The following SYNDIG1 variants were observed in gnomAD, a reference collection of about 807,000 sequenced individuals.
SYNDIG1 encodes synapse differentiation inducing 1.
A neutral mutation model predicts 19.4 loss-of-function variants in SYNDIG1; 9 were observed. The observed-to-expected ratio is 0.46, with a 90% confidence interval of 0.28 to 0.81. SYNDIG1 has a LOEUF of 0.81. SYNDIG1 is among the 30% of genes least tolerant of loss of function. SYNDIG1 has a pLI of 0.12. For missense variants in SYNDIG1, 311 were observed against 343.3 expected, an observed-to-expected ratio of 0.91 and a Z score of 0.74; for synonymous variants, 141 against 145.9, an observed-to-expected ratio of 0.97 and a Z score of 0.24.
At chr20:24,494,683 G>A (rs1341529742) in intron 1 of SYNDIG1, among the ~76,000 whole-genome samples, 1 of 152,154 alleles carries the variant, frequency 6.6e-6, no homozygotes, top group Non-Finnish European at 1.5e-5. Flanking sequence ...GGGCCCTGAG[G>A]GGCCACCCTA....
chr20:24,530,954 G>T (rs982635778), intron 1 of SYNDIG1, among the ~76,000 whole-genome samples: 7 of 151,958 alleles, frequency 4.6e-5, no homozygotes, highest in Admixed American at 3.9e-4. Flanking sequence ...GACTACAGGC[G>T]CATGCCACCA....
intron 1 of SYNDIG1, among the ~76,000 whole-genome samples, chr20:24,527,553 T>A (rs1156805204): frequency 2.0e-5 from 3 of 152,060 alleles, no homozygotes; most frequent in African/African-American, 7.3e-5. Flanking sequence ...CTTCCTTCTT[T>A]CTCTATAGAC....
chr20:24,598,330 A>C (rs1422505094), intron 3 of SYNDIG1, among the ~76,000 whole-genome samples: 2 of 152,214 alleles, frequency 1.3e-5, no homozygotes, highest in African/African-American at 2.4e-5. Context: ...ACAGATGATA[A>C]ATTTTATGAA....
chr20:24,478,966 C>T (rs2055713677), intron 1 of SYNDIG1, among the ~76,000 whole-genome samples: 1 of 152,242 alleles, frequency 6.6e-6, no homozygotes, highest in African/African-American at 2.4e-5. Context: ...GTCTCGCTCT[C>T]AGCATAAGGC....
intron 1 of SYNDIG1, among the ~76,000 whole-genome samples, chr20:24,531,053 G>C (rs1274025900): frequency 1.3e-5 from 2 of 152,042 alleles, no homozygotes; most frequent in Non-Finnish European, 2.9e-5. Flanking sequence ...CAGGCAGTCT[G>C]CCTGCCTCAG....
At chr20:24,615,396 A>G (rs2058915401) in intron 3 of SYNDIG1, among the ~76,000 whole-genome samples, 1 of 152,180 alleles carries the variant, frequency 6.6e-6, no homozygotes, top group Non-Finnish European at 1.5e-5. Flanking sequence ...CCCAGGTTCT[A>G]CGCTCTTACA....
chr20:24,664,371 C>T (rs983557225), intron 3 of SYNDIG1, among the ~76,000 whole-genome samples: 2 of 152,120 alleles, frequency 1.3e-5, no homozygotes, highest in Non-Finnish European at 2.9e-5. Context: ...AAATGGGACC[C>T]GGTAGAAATC....
chr20:24,581,881 T>G (rs550519329), intron 2 of SYNDIG1, among the ~76,000 whole-genome samples: 1 of 148,770 alleles, frequency 6.7e-6, no homozygotes, highest in Non-Finnish European at 1.5e-5. Flanking sequence ...CTGCAAGTCC[T>G]TCCAACTGCA....
intron 3 of SYNDIG1, among the ~76,000 whole-genome samples, chr20:24,657,517 C>T (rs1490195371): frequency 6.6e-6 from 1 of 152,202 alleles, no homozygotes; most frequent in African/African-American, 2.4e-5. Context: ...TTTGGTTTCA[C>T]AGTCCATCTC....
chr20:24,654,996 G>A (rs752558986), intron 3 of SYNDIG1, among the ~76,000 whole-genome samples: 3 of 152,266 alleles, frequency 2.0e-5, no homozygotes, highest in South Asian at 2.1e-4. Context: ...TGCCACCCAC[G>A]CATGATGTTC....
chr20:24,529,914 G>A (rs1046737109), intron 1 of SYNDIG1, among the ~76,000 whole-genome samples: 1 of 130,452 alleles, frequency 7.7e-6, no homozygotes, highest in Non-Finnish European at 1.7e-5. Context: ...AGTACTCCTG[G>A]TGATGGTATC....
chr20:24,611,070 C>T (rs1021663617), intron 3 of SYNDIG1, among the ~76,000 whole-genome samples: 2 of 152,210 alleles, frequency 1.3e-5, no homozygotes, highest in African/African-American at 2.4e-5. Context: ...GATATTGCCT[C>T]TGAGTGTTCG....
At chr20:24,540,840 C>T (rs927847332) in intron 1 of SYNDIG1, among the ~76,000 whole-genome samples, 1 of 152,102 alleles carries the variant, frequency 6.6e-6, no homozygotes, top group African/African-American at 2.4e-5. Context: ...GTTCATAAGG[C>T]ATATGGGTCT....
rs113098550 is a variant in SYNDIG1, at chr20:24,504,069, C to T, written c.-79+34316C>T. On this transcript the variant is annotated intron_variant, in intron 1 of 3. Coordinates refer to ENST00000376862, the MANE Select transcript of SYNDIG1 (RefSeq NM_024893.3). Reference sequence around the variant, plus strand: ...CCACCTCCCAGGCTCACGCCATTCTCCTGTCTCAGCCTCCTGAGTAGCTGG... The same window carrying T: ...CCACCTCCCAGGCTCACGCCATTCTTCTGTCTCAGCCTCCTGAGTAGCTGG... Among the ~76,000 whole-genome samples, 741 of 151,140 alleles carry T rather than the reference C, an allele frequency of 4.9e-3. 8 individuals carry two copies. The highest frequency in any genetic ancestry group is 0.018 in the African/African-American group (721 of 40,920).
At chr20:24,656,899 G>A (rs1412098139) in intron 3 of SYNDIG1, among the ~76,000 whole-genome samples, 1 of 152,310 alleles carries the variant, frequency 6.6e-6, no homozygotes, top group South Asian at 2.1e-4. Flanking sequence ...TGGGTCCTGC[G>A]GACGGATCCC....
intron 1 of SYNDIG1, among the ~76,000 whole-genome samples, chr20:24,519,414 A>G (rs1352545544): frequency 6.6e-6 from 1 of 152,208 alleles, no homozygotes; most frequent in Non-Finnish European, 1.5e-5. Flanking sequence ...TGGCACAGGA[A>G]AAAGCAAGTC....
chr20:24,655,517 A>G (rs531077160), intron 3 of SYNDIG1, among the ~76,000 whole-genome samples: 77 of 152,354 alleles, frequency 5.1e-4, no homozygotes, highest in African/African-American at 1.8e-3. Flanking sequence ...AGAAAGAAGT[A>G]AATACCAGAT....
intron 1 of SYNDIG1, among the ~76,000 whole-genome samples, chr20:24,532,818 T>C (rs1431584202): frequency 6.6e-6 from 1 of 152,214 alleles, no homozygotes; most frequent in Non-Finnish European, 1.5e-5. Flanking sequence ...CAGAAACTCC[T>C]GGGCTCAATC....
chr20:24,492,318 AG>A (rs1468729304), intron 1 of SYNDIG1, among the ~76,000 whole-genome samples: 1 of 152,182 alleles, frequency 6.6e-6, no homozygotes, highest in African/African-American at 2.4e-5. Context: ...AGAGTTGCTA[AG>A]GGGTGGCTAG....
Sources: allele counts gnomAD v4.1 joint callset (sites outside exome capture counted in the v4.1 genomes callset), GRCh38; gene constraint gnomAD v4.1.1; transcripts MANE v1.5; gene names NCBI Gene and HGNC (gene_info 2026-07-23, HGNC 2026-07-21).